ANKS1B: variants seen among roughly 807,000 people sequenced by gnomAD.
ANKS1B encodes the protein ankyrin repeat and sterile alpha motif domain-containing protein 1B.
In ANKS1B, 36 loss-of-function variants were observed where a neutral mutation model predicts 148.3. That is an observed-to-expected ratio of 0.24 (90% confidence interval 0.19 to 0.32). The LOEUF is 0.32. Ranked by LOEUF, ANKS1B falls within the 10% of genes least tolerant of loss-of-function variation. The pLI is 1.00. For synonymous variants in ANKS1B, 542 were observed against 560.8 expected (o/e 0.97, Z 0.47); for missense variants, 1,157 against 1,542.6 (o/e 0.75, Z 4.19).
At chr12:99,718,188 C>A (rs2057648409) in intron 8 of ANKS1B, among the ~76,000 whole-genome samples, 1 of 152,164 alleles carries the variant, frequency 6.6e-6, no homozygotes, top group South Asian at 2.1e-4. Context: ...GCGTGAGCCA[C>A]CGCGCCCAGC....
intron 14 of ANKS1B, among the ~76,000 whole-genome samples, chr12:99,202,484 C>T (rs1340456357): frequency 1.3e-5 from 2 of 152,152 alleles, no homozygotes; most frequent in South Asian, 2.1e-4. Context: ...AGTACTTGGA[C>T]GTCAAGCAGT....
chr12:99,323,635 A>G (rs770614262), intron 12 of ANKS1B, among the ~76,000 whole-genome samples: 1 of 152,230 alleles, frequency 6.6e-6, no homozygotes, highest in Non-Finnish European at 1.5e-5. Context: ...CATTTGGACT[A>G]AATAATCATT....
At chr12:99,789,152 T>C (rs1298619723) in intron 4 of ANKS1B, among the ~76,000 whole-genome samples, 1 of 152,072 alleles carries the variant, frequency 6.6e-6, no homozygotes, top group Non-Finnish European at 1.5e-5. Context: ...CAGGTACAGG[T>C]GGCTCAGCAC....
At chr12:99,682,662 C>T (rs2153486251) in intron 8 of ANKS1B, among the ~76,000 whole-genome samples, 1 of 152,078 alleles carries the variant, frequency 6.6e-6, no homozygotes. Flanking sequence ...TCTGAAAGAG[C>T]ACATATAGAC....
chr12:99,528,647 T>G (rs1481053940), intron 9 of ANKS1B, among the ~76,000 whole-genome samples: 1 of 152,146 alleles, frequency 6.6e-6, no homozygotes, highest in Admixed American at 6.5e-5. Flanking sequence ...ATTCATTTCA[T>G]AAAGCACTTA....
At chr12:99,811,294 G>C (rs1272994016) in intron 3 of ANKS1B, among the ~76,000 whole-genome samples, 1 of 151,778 alleles carries the variant, frequency 6.6e-6, no homozygotes, top group Admixed American at 6.6e-5. Flanking sequence ...AGATATGCTT[G>C]CCCTAAAGTA....
chr12:99,693,056 G>A (rs2053356680), intron 8 of ANKS1B, among the ~76,000 whole-genome samples: 1 of 152,134 alleles, frequency 6.6e-6, no homozygotes, highest in Admixed American at 6.5e-5. Context: ...AAATACAACT[G>A]ACATATTTGA....
intron 12 of ANKS1B, among the ~76,000 whole-genome samples, chr12:99,361,855 A>G (rs2092490400): frequency 6.6e-6 from 1 of 152,058 alleles, no homozygotes; most frequent in Non-Finnish European, 1.5e-5. Context: ...CAAAGGAAAA[A>G]TTTGAATATA....
intron 9 of ANKS1B, among the ~76,000 whole-genome samples, chr12:98,737,557 C>T (rs1463605901): frequency 6.6e-6 from 1 of 152,144 alleles, no homozygotes; most frequent in Non-Finnish European, 1.5e-5. Flanking sequence ...GCAATGAGGG[C>T]CTCAGTAAAC....
intron 19 of ANKS1B, among the ~76,000 whole-genome samples, chr12:98,828,182 C>T (rs2099266040): frequency 6.6e-6 from 1 of 152,180 alleles, no homozygotes; most frequent in South Asian, 2.1e-4. Context: ...GACACAGTAT[C>T]CCAGGCCTTC....
intron 1 of ANKS1B, among the ~76,000 whole-genome samples, chr12:99,967,166 A>G (rs181566998): frequency 2.2e-4 from 34 of 151,222 alleles, no homozygotes; most frequent in Admixed American, 2.0e-3. Flanking sequence ...TTGAATATCT[A>G]AATTATTTAT....
chr12:99,355,546 C>T (rs1042213566), intron 12 of ANKS1B, among the ~76,000 whole-genome samples: 21 of 152,112 alleles, frequency 1.4e-4, no homozygotes, highest in Non-Finnish European at 3.1e-4. Flanking sequence ...CAAAAAGAAG[C>T]TCACTTCTGT....
At chr12:99,706,989 A>G (rs753500096) in intron 8 of ANKS1B, among the ~76,000 whole-genome samples, 3 of 152,120 alleles carry the variant, frequency 2.0e-5, no homozygotes, top group Non-Finnish European at 4.4e-5. Context: ...GTGAGAGAAC[A>G]TGAAACACAG....
intron 9 of ANKS1B, among the ~76,000 whole-genome samples, chr12:99,609,370 C>T (rs778355896): frequency 2.6e-5 from 4 of 151,778 alleles, no homozygotes; most frequent in South Asian, 2.1e-4. Flanking sequence ...AAGTCTTTTA[C>T]GACTTAACCA....
At chr12:99,348,424 A>C (rs1443814484) in intron 12 of ANKS1B, among the ~76,000 whole-genome samples, 5 of 151,926 alleles carry the variant, frequency 3.3e-5, no homozygotes, top group Non-Finnish European at 7.4e-5. Context: ...ATGCAAATTT[A>C]ATAAAAGAAA....
intron 16 of ANKS1B, among the ~76,000 whole-genome samples, chr12:99,076,823 A>G (rs1017160901): frequency 3.3e-5 from 5 of 152,092 alleles, no homozygotes; most frequent in African/African-American, 1.2e-4. Flanking sequence ...AGCCTGGTCT[A>G]TTGCCTGTTT....
chr12:99,478,174 C>T (rs796728380), intron 10 of ANKS1B, among the ~76,000 whole-genome samples: 1 of 152,102 alleles, frequency 6.6e-6, no homozygotes, highest in African/African-American at 2.4e-5. Flanking sequence ...AATATTGCAG[C>T]TTAAGCTTCA....
intron 1 of ANKS1B, among the ~76,000 whole-genome samples, chr12:99,983,637 G>C (rs1195283411): frequency 6.6e-6 from 1 of 152,114 alleles, no homozygotes; most frequent in Non-Finnish European, 1.5e-5. Context: ...CATAACCCAC[G>C]GCACAGCAAA....
At chr12:99,215,262 T>C (rs1234447577) in intron 14 of ANKS1B, among the ~76,000 whole-genome samples, 2 of 152,148 alleles carry the variant, frequency 1.3e-5, no homozygotes, top group African/African-American at 4.8e-5. Context: ...ACGGAAATAC[T>C]TGGATGTCCA....
Sources: allele counts gnomAD v4.1 joint callset (sites outside exome capture counted in the v4.1 genomes callset), GRCh38; gene constraint gnomAD v4.1.1; transcripts MANE v1.5; gene names NCBI Gene and HGNC (gene_info 2026-07-23, HGNC 2026-07-21).